The following KCNJ6 variants were observed in gnomAD, a reference collection of about 807,000 sequenced individuals.
KCNJ6 encodes the protein potassium inwardly rectifying channel subfamily J member 6.
A neutral mutation model predicts 34.2 loss-of-function variants in KCNJ6; 9 were observed. The ratio of observed to expected loss-of-function variants is 0.26; its 90% CI spans 0.16 to 0.46. The LOEUF (loss-of-function observed/expected upper bound fraction) is 0.46, where lower values mean the gene tolerates loss of function less well. Ranked by LOEUF, KCNJ6 falls within the 20% of genes least tolerant of loss-of-function variation. The probability of loss-of-function intolerance (pLI) is 1.00; values close to 1 mark genes in which losing one functional copy is unlikely to be tolerated. For missense variants in KCNJ6, 236 were observed against 531.3 expected (o/e 0.44, Z 5.46); for synonymous variants, 196 against 207.1 (o/e 0.95, Z 0.46).
intron 1 of KCNJ6, among the ~76,000 whole-genome samples, chr21:37,861,535 T>C (rs2055594798): frequency 6.6e-6 from 1 of 152,194 alleles, no homozygotes; most frequent in African/African-American, 2.4e-5. Context: ...ATACAAATTT[T>C]GAGGGCATGC....
intron 3 of KCNJ6, among the ~76,000 whole-genome samples, chr21:37,706,894 G>A (rs1204400879): frequency 1.3e-5 from 2 of 152,228 alleles, no homozygotes; most frequent in Non-Finnish European, 2.9e-5. Context: ...GAGGAAATGG[G>A]AATATAGAAA....
At chr21:37,902,169 A>G (rs2055820016) in intron 1 of KCNJ6, among the ~76,000 whole-genome samples, 1 of 152,264 alleles carries the variant, frequency 6.6e-6, no homozygotes, top group South Asian at 2.1e-4. Flanking sequence ...AACAATGTCA[A>G]TACAGGAAGA....
chr21:37,828,796 C>T (rs534784383), intron 2 of KCNJ6, among the ~76,000 whole-genome samples: 1 of 152,206 alleles, frequency 6.6e-6, no homozygotes, highest in African/African-American at 2.4e-5. Context: ...AAACATGCTG[C>T]CTTCTCCCAG....
intron 2 of KCNJ6, among the ~76,000 whole-genome samples, chr21:37,749,489 T>C (rs1601452135): frequency 1.3e-5 from 2 of 152,320 alleles, no homozygotes; most frequent in South Asian, 2.1e-4. Flanking sequence ...TGGTGTGAGA[T>C]GCAACTTGTA....
intron 2 of KCNJ6, among the ~76,000 whole-genome samples, chr21:37,715,651 G>A (rs1394406008): frequency 1.3e-5 from 2 of 152,224 alleles, no homozygotes; most frequent in East Asian, 1.9e-4. Context: ...GGCCTTTAAG[G>A]AGATAGTTAA....
At position 37,607,482 on chromosome 21, in the gene KCNJ6, A is replaced by ATATATATATTTTTTTTT; in HGVS notation, c.*17676_*17677insAAAAAAAAATATATATA. 4.2e-4 allele frequency: 57 copies of ATATATATATTTTTTTTT among 136,754 alleles called. No homozygotes were observed. The highest frequency in any genetic ancestry group is 8.0e-4 in the Non-Finnish European group (52 of 64,758). The allele number at this position is 136,754 out of a possible 1,614,324, so 8.5% of individuals were successfully genotyped here. A position where few individuals can be genotyped will look rare whatever the true frequency, so the allele number is the denominator to read the frequency against. On this transcript the variant is annotated 3_prime_UTR_variant, in exon 4 of 4. Transcript: ENST00000609713. ...CTTAAAGATATATATATATATATATATTTTTTTTTTATTTTAAAAAAATTT... is the reference window on the plus strand; with the variant it reads ...CTTAAAGATATATATATATATATATATATATATATTTTTTTTTTTTTTTTTTTATTTTAAAAAAATTT...
intron 1 of KCNJ6, among the ~76,000 whole-genome samples, chr21:37,871,092 G>T (rs1030093508): frequency 6.6e-6 from 1 of 151,942 alleles, no homozygotes; most frequent in African/African-American, 2.4e-5. Flanking sequence ...TTGATGTTGA[G>T]GGCTCCACTG....
At chr21:37,873,765 A>G (rs926440315) in intron 1 of KCNJ6, among the ~76,000 whole-genome samples, 3 of 151,984 alleles carry the variant, frequency 2.0e-5, no homozygotes, top group Non-Finnish European at 4.4e-5. Context: ...TTCCACCTTC[A>G]CCAAGAAATC....
intron 3 of KCNJ6, among the ~76,000 whole-genome samples, chr21:37,638,150 T>C (rs946899855): frequency 6.6e-6 from 1 of 152,154 alleles, no homozygotes; most frequent in Non-Finnish European, 1.5e-5. Context: ...TTGATCTTGA[T>C]TTATTTTTAT....
chr21:37,758,238 T>G (rs2055041283), intron 2 of KCNJ6, among the ~76,000 whole-genome samples: 1 of 152,204 alleles, frequency 6.6e-6, no homozygotes, highest in East Asian at 1.9e-4. Flanking sequence ...GCTGATGGTG[T>G]GTGGGTTCTC....
intron 3 of KCNJ6, among the ~76,000 whole-genome samples, chr21:37,635,011 C>T (rs1200485131): frequency 6.6e-6 from 1 of 152,040 alleles, no homozygotes; most frequent in African/African-American, 2.4e-5. Context: ...CCCACCTTGG[C>T]CTCCCAAAGT....
intron 2 of KCNJ6, among the ~76,000 whole-genome samples, chr21:37,719,015 G>A (rs1156381674): frequency 6.6e-6 from 1 of 152,114 alleles, no homozygotes; most frequent in Non-Finnish European, 1.5e-5. Context: ...ATGGCAGCTG[G>A]TGGGATGAAC....
At chr21:37,840,777 T>C in intron 1 of KCNJ6, 68 bp from the exon 2 acceptor site, 3 of 835,314 alleles carry the variant, frequency 3.6e-6, no homozygotes, top group Non-Finnish European at 5.9e-6. Flanking sequence ...CTAATTGCCA[T>C]TTACAGCTAT....
chr21:37,700,059 G>A (rs183135120), intron 3 of KCNJ6, among the ~76,000 whole-genome samples: 1 of 151,522 alleles, frequency 6.6e-6, no homozygotes, highest in South Asian at 2.1e-4. Context: ...CCTTTTTATT[G>A]AGCACTGACC....
At chr21:37,836,331 C>T (rs574429258) in intron 2 of KCNJ6, among the ~76,000 whole-genome samples, 1 of 152,238 alleles carries the variant, frequency 6.6e-6, no homozygotes, top group African/African-American at 2.4e-5. Context: ...TACAGTGTGG[C>T]GATTCCTCAA....
intron 3 of KCNJ6, among the ~76,000 whole-genome samples, chr21:37,633,830 C>T (rs749857309): frequency 2.0e-5 from 3 of 151,994 alleles, no homozygotes; most frequent in Non-Finnish European, 4.4e-5. Context: ...AGAGATATAT[C>T]ATGTTCATGG....
chr21:37,903,981 A>G (rs2055829484), intron 1 of KCNJ6, among the ~76,000 whole-genome samples: 2 of 152,230 alleles, frequency 1.3e-5, no homozygotes, highest in Non-Finnish European at 2.9e-5. Flanking sequence ...ATTGTTGAGT[A>G]ACTGATCATT....
At chr21:37,848,487 C>T (rs757593498) in intron 1 of KCNJ6, among the ~76,000 whole-genome samples, 2 of 152,146 alleles carry the variant, frequency 1.3e-5, no homozygotes, top group African/African-American at 2.4e-5. Context: ...CAATAAGGCT[C>T]AGAGCCTTAG....
intron 3 of KCNJ6, among the ~76,000 whole-genome samples, chr21:37,643,881 C>A (rs906578469): frequency 2.0e-5 from 3 of 152,110 alleles, no homozygotes; most frequent in African/African-American, 7.2e-5. Flanking sequence ...TGGGTACATA[C>A]CCAGAGGAAT....
Sources: allele counts gnomAD v4.1 joint callset (sites outside exome capture counted in the v4.1 genomes callset), GRCh38; gene constraint gnomAD v4.1.1; transcripts MANE v1.5; gene names NCBI Gene and HGNC (gene_info 2026-07-23, HGNC 2026-07-21).